CCND3: variants seen among roughly 807,000 people sequenced by gnomAD.
CCND3 encodes G1/S-specific cyclin-D3.
CCND3 carries 9 observed loss-of-function variants against 28.7 expected under a neutral mutation model. The observed-to-expected ratio is 0.31, with a 90% CI of 0.19 to 0.55. The LOEUF (loss-of-function observed/expected upper bound fraction) is 0.55. CCND3 is among the 20% of genes least tolerant of loss of function. The pLI, the probability that CCND3 is intolerant of heterozygous loss-of-function variation, is 0.93. For missense variants in CCND3, 315 were observed against 385.8 expected, an observed-to-expected ratio of 0.82 and a Z score of 1.54; for synonymous variants, 164 against 163.9, an observed-to-expected ratio of 1.00 and a Z score of 0.00.
At chr6:42,038,967 C>A (rs116528019) in intron 1 of CCND3, among the ~76,000 whole-genome samples, 1 of 152,298 alleles carries the variant, frequency 6.6e-6, no homozygotes, top group African/African-American at 2.4e-5. Context: ...TAAAAGTATG[C>A]ATACTGAATT....
At chr6:41,959,681 A>ACCGTCT in intron 1 of CCND3, among the ~76,000 whole-genome samples, 1 of 119,170 alleles carries the variant, frequency 8.4e-6, no homozygotes, top group South Asian at 3.0e-4. Context: ...AGCAAGACTA[A>ACCGTCT]ATCAGGCCAG....
intron 1 of CCND3, among the ~76,000 whole-genome samples, chr6:41,998,120 C>G (rs2127419599): frequency 6.6e-6 from 1 of 151,822 alleles, no homozygotes; most frequent in East Asian, 2.0e-4. Context: ...GAAACCCCAT[C>G]TCTACTAAAA....
chr6:42,048,507 G>A lies in CCND3; in HGVS notation c.-52C>T. 1 of 512,750 alleles carries A rather than the reference G, an allele frequency of 2.0e-6. No homozygotes were observed. Among genetic ancestry groups the A allele is most frequent in the Non-Finnish European group, 3.9e-6 (1 of 257,390 alleles). 31.8% of individuals were successfully genotyped at this position (512,750 alleles called of 1,614,324 possible). On this transcript the variant is annotated 5_prime_UTR_variant, in exon 1 of 5. Coordinates refer to the CCND3 transcript ENST00000372988. This position sits in a 1 kb window ranked among gnomAD's most constrained non-coding sequence, Gnocchi z 4.7. ...CTCCAGCACCCAAGCCTACCTCCTC[G>A]TCAGGTGACCTCCCCGGAGCACCGA...
intron 1 of CCND3, among the ~76,000 whole-genome samples, chr6:41,961,206 G>T (rs1454914063): frequency 6.6e-6 from 1 of 152,182 alleles, no homozygotes; most frequent in Non-Finnish European, 1.5e-5. Context: ...GAGCGTGGTG[G>T]CTCACGCCTG....
chr6:42,011,485 G>T (rs2127427874), intron 1 of CCND3, among the ~76,000 whole-genome samples: 1 of 152,276 alleles, frequency 6.6e-6, no homozygotes, highest in South Asian at 2.1e-4. Context: ...TGATTCAGGA[G>T]GTCTGGAGTG....
intron 1 of CCND3, among the ~76,000 whole-genome samples, chr6:42,043,631 G>A (rs1260422339): frequency 5.3e-5 from 8 of 152,154 alleles, no homozygotes; most frequent in African/African-American, 7.2e-5. Context: ...CTGGGAAGTC[G>A]AGGCTGCAGT....
At chr6:42,025,103 G>C (rs1232092095) in intron 1 of CCND3, among the ~76,000 whole-genome samples, 1 of 152,164 alleles carries the variant, frequency 6.6e-6, no homozygotes, top group African/African-American at 2.4e-5. Context: ...AATCCAGGGA[G>C]GAAAGCAGGG....
intron 1 of CCND3, among the ~76,000 whole-genome samples, chr6:42,007,992 G>C (rs1054484167): frequency 6.6e-6 from 1 of 152,092 alleles, no homozygotes; most frequent in African/African-American, 2.4e-5. Flanking sequence ...TGGCGGGGGA[G>C]CTGGGGGCTG....
intron 1 of CCND3, among the ~76,000 whole-genome samples, chr6:41,979,679 A>G (rs964036495): frequency 2.0e-5 from 3 of 147,174 alleles, no homozygotes; most frequent in Non-Finnish European, 4.5e-5. Flanking sequence ...ATATGGATCT[A>G]TTTATCTATC....
rs1191635248 is a variant in CCND3, at chr6:42,036,287, C to G, written c.-46+12214G>C. Among the ~76,000 whole-genome samples the G allele has an allele frequency of 4.4e-5, 6 of 137,058 alleles. No homozygotes were observed. In the East Asian group the frequency reaches 1.4e-3, roughly 32 times the overall value. The allele number at this position is 137,058 out of a possible 152,430, so 89.9% of individuals were successfully genotyped here. On this transcript the variant is annotated intron_variant, in intron 1 of 4. Coordinates refer to the CCND3 transcript ENST00000372988. The stretch of plus-strand genomic sequence containing the variant: ...GGATTACAGGTGTGAGCCACCATGC[C>G]TGGCCTAAAAATTATTATTTATATA...
chr6:41,994,724 TG>T, intron 1 of CCND3, among the ~76,000 whole-genome samples: 1 of 152,064 alleles, frequency 6.6e-6, no homozygotes, highest in Non-Finnish European at 1.5e-5. Context: ...AGGAATTATA[TG>T]GGAACTCTGT....
chr6:41,959,679 T>TCCGTCTCAAAAAAAAAAAA (rs772818142), intron 1 of CCND3, among the ~76,000 whole-genome samples: 15 of 147,212 alleles, frequency 1.0e-4, no homozygotes, highest in East Asian at 2.0e-4. Flanking sequence ...ACAGCAAGAC[T>TCCGTCTCAAAAAAAAAAAA]AAATCAGGCC....
chr6:42,022,756 G>A (rs1763749137), intron 1 of CCND3, among the ~76,000 whole-genome samples: 1 of 152,218 alleles, frequency 6.6e-6, no homozygotes, highest in South Asian at 2.1e-4. Context: ...CAGTGGGGAA[G>A]TAGCGTAAGG....
At chr6:41,960,011 T>C (rs1318272520) in intron 1 of CCND3, among the ~76,000 whole-genome samples, 1 of 150,140 alleles carries the variant, frequency 6.7e-6, no homozygotes, top group East Asian at 1.9e-4. Flanking sequence ...ATAAATGAAA[T>C]AATATGGCAT....
rs1776004942 is a variant in CCND3, at chr6:41,941,251, C to T, written c.198+201G>A. Reference sequence around the variant, plus strand: ...GTTAGGGTGCCAAGTGACTGGCAGTCACTGTCGGGAGGAGCCGATTAGGGC... The same window carrying T: ...GTTAGGGTGCCAAGTGACTGGCAGTTACTGTCGGGAGGAGCCGATTAGGGC... On this transcript the variant is annotated intron_variant, in intron 1 of 4. Transcript: ENST00000372991. The surrounding 1 kb of genome is among the most constrained non-coding windows in gnomAD (Gnocchi z 6.1). The T allele has an allele frequency of 7.0e-7, 1 of 1,433,302 alleles. No homozygotes were observed. Among genetic ancestry groups the T allele is most frequent in the Non-Finnish European group, 9.1e-7 (1 of 1,097,464 alleles). 88.8% of individuals were successfully genotyped at this position (1,433,302 alleles called of 1,614,324 possible).
intron 1 of CCND3, among the ~76,000 whole-genome samples, chr6:41,969,144 C>T (rs1371773708): frequency 6.6e-6 from 1 of 152,070 alleles, no homozygotes; most frequent in Admixed American, 6.5e-5. Context: ...AAGCTTTAGA[C>T]CCCATAAAAC....
chr6:41,963,599 G>A (rs1400044039), intron 1 of CCND3, among the ~76,000 whole-genome samples: 1 of 152,220 alleles, frequency 6.6e-6, no homozygotes, highest in Non-Finnish European at 1.5e-5. Flanking sequence ...CTTGACACAG[G>A]AGGCCAAACT....
In CCND3 at chr6:41,938,243, A is replaced by AT. The variant is rs1483422049; in HGVS notation, c.415-850dup. On this transcript the variant is annotated intron_variant, in intron 2 of 4. Transcript: ENST00000372991. This position sits in a 1 kb window ranked among gnomAD's most constrained non-coding sequence, Gnocchi z 4.6. ...GTCATGGGTTCCCAGACCTGGCCCC[A>AT]TTTCTGAGTTGCACACATGAGGATT... 1 of 152,142 alleles carries AT rather than the reference A, an allele frequency of 6.6e-6. No individual in the cohort carries two copies. The highest frequency in any genetic ancestry group is 1.9e-4 in the East Asian group (1 of 5,192). The allele number at this position is 152,142 out of a possible 1,614,324, so 9.4% of individuals were successfully genotyped here. A position where few individuals can be genotyped will look rare whatever the true frequency, so the allele number is the denominator to read the frequency against.
intron 1 of CCND3, among the ~76,000 whole-genome samples, chr6:41,998,184 A>G (rs962236060): frequency 2.6e-5 from 4 of 151,406 alleles, no homozygotes; most frequent in Non-Finnish European, 5.9e-5. Context: ...GGTATTCAGG[A>G]AGCTGAGGCA....
Sources: gnomAD v4.1 joint callset for allele counts (sites outside exome capture counted in the v4.1 genomes callset) on GRCh38, gnomAD v4.1.1 for gene constraint, Gnocchi (gnomAD v3.1) non-coding constraint, MANE v1.5 for transcripts, NCBI Gene and HGNC (gene_info 2026-07-23, HGNC 2026-07-21) for gene names.